The following PAK1 variants were observed in gnomAD, a reference collection of about 807,000 sequenced individuals.
PAK1 encodes p21 (RAC1) activated kinase 1, also known as serine/threonine-protein kinase PAK 1.
PAK1 carries 29 observed loss-of-function variants against 67.4 expected under a neutral mutation model. The ratio of observed to expected loss-of-function variants is 0.43; its 90% CI spans 0.32 to 0.59. The LOEUF (loss-of-function observed/expected upper bound fraction) is 0.59, where lower values mean the gene tolerates loss of function less well. PAK1 is among the 20% of genes least tolerant of loss of function. The pLI is 0.07. For synonymous variants in PAK1, 223 were observed against 237.4 expected, an observed-to-expected ratio of 0.94 and a Z score of 0.56; for missense variants, 337 against 670.7, an observed-to-expected ratio of 0.50 and a Z score of 5.50.
At chr11:77,372,560 T>C (rs1347735342) in intron 5 of PAK1, among the ~76,000 whole-genome samples, 1 of 152,204 alleles carries the variant, frequency 6.6e-6, no homozygotes, top group Non-Finnish European at 1.5e-5. Flanking sequence ...TGGTTCAAAG[T>C]ATTTTGATGG....
chr11:77,423,402 T>TACACACACACACAC (rs5792767), intron 1 of PAK1, among the ~76,000 whole-genome samples: 2 of 136,956 alleles, frequency 1.5e-5, no homozygotes, highest in Non-Finnish European at 3.2e-5. Flanking sequence ...TGCTTTCAAA[T>TACACACACACACAC]ACACACACAC....
intron 14 of PAK1, among the ~76,000 whole-genome samples, chr11:77,332,368 GGAAGGGAAGGGAAGGGAAGGGAAGGGA>G: frequency 8.6e-4 from 1 of 1,168 alleles, no homozygotes; most frequent in African/African-American, 2.8e-3. Context: ...GGAAGGGAAA[GGAAGGGAAGGGAAGGGAAGGGAAGGGA>G]AGGGAAAGGA....
intron 9 of PAK1, among the ~76,000 whole-genome samples, chr11:77,345,135 A>T (rs1399544512): frequency 1.3e-4 from 20 of 152,156 alleles, no homozygotes; most frequent in Non-Finnish European, 2.9e-4. Context: ...CTCTTATGGA[A>T]CTTACAACTT....
chr11:77,468,718 A>G (rs1449595265), intron 1 of PAK1, among the ~76,000 whole-genome samples: 1 of 152,178 alleles, frequency 6.6e-6, no homozygotes, highest in East Asian at 1.9e-4. Context: ...AGAGATTAGG[A>G]ACCAATTTAA....
intron 9 of PAK1, among the ~76,000 whole-genome samples, chr11:77,345,004 A>G (rs548223497): frequency 1.2e-4 from 18 of 152,294 alleles, no homozygotes; most frequent in African/African-American, 3.4e-4. Context: ...AACAGCCTGT[A>G]TCATTTCCAT....
At chr11:77,438,658 G>A (rs1956230851) in intron 1 of PAK1, among the ~76,000 whole-genome samples, 1 of 152,152 alleles carries the variant, frequency 6.6e-6, no homozygotes, top group Non-Finnish European at 1.5e-5. Flanking sequence ...CTTGGTAACA[G>A]CTTCTCTAAA....
upstream of PAK1, among the ~76,000 whole-genome samples, chr11:77,477,377 A>AC (rs1404769251): frequency 1.3e-5 from 2 of 152,052 alleles, no homozygotes; most frequent in East Asian, 3.9e-4. Flanking sequence ...AGACCAAAAC[A>AC]CCTCTAATAT....
intron 1 of PAK1, among the ~76,000 whole-genome samples, chr11:77,454,367 C>T (rs2135424168): frequency 6.6e-6 from 1 of 152,232 alleles, no homozygotes; most frequent in African/African-American, 2.4e-5. Flanking sequence ...CACACATTAT[C>T]CGGTTTTATA....
At chr11:77,325,483 TAA>T (rs1565566759) in intron 14 of PAK1, 1 of 1,189,776 alleles carries the variant, frequency 8.4e-7, no homozygotes, top group African/African-American at 1.5e-5. Context: ...TAAAATATGG[TAA>T]AGATTCAATA....
intron 1 of PAK1, among the ~76,000 whole-genome samples, chr11:77,454,471 G>A (rs1956995982): frequency 6.6e-6 from 1 of 152,074 alleles, no homozygotes; most frequent in East Asian, 1.9e-4. Flanking sequence ...GGATGCTGTT[G>A]GCTGCCTACC....
intron 7 of PAK1, 79 bp downstream of exon 7, chr11:77,355,589 C>T: frequency 1.6e-6 from 2 of 1,227,870 alleles, no homozygotes; most frequent in Non-Finnish European, 2.4e-6. Flanking sequence ...GCTGCATGGA[C>T]CAAGCCTACG....
chr11:77,338,165 A>G (rs553720435), intron 11 of PAK1, among the ~76,000 whole-genome samples: 2 of 152,304 alleles, frequency 1.3e-5, no homozygotes, highest in Non-Finnish European at 2.9e-5. Context: ...CTGGACTTCC[A>G]TCTATAAAAT....
rs34083265 is a variant in PAK1 at position 77,381,138 on chromosome 11, A to AGTGTGTGT, written c.191-1152_191-1145dup. On this transcript the variant is annotated intron_variant, in intron 2 of 14. Coordinates refer to ENST00000356341, the MANE Select transcript of PAK1 (RefSeq NM_002576.5). ...CAGTTTCACCTCTACCTCACCACAG[A>AGTGTGTGT]GTGTGTGTGTGTGTGTGTGTGTGTG... Among the ~76,000 whole-genome samples the AGTGTGTGT allele has an allele frequency of 2.0e-3, 294 of 144,460 alleles. 5 individuals are homozygous for AGTGTGTGT. The highest frequency in any genetic ancestry group is 0.016 in the Admixed American group (231 of 14,400). 94.8% of individuals were successfully genotyped at this position (144,460 alleles called of 152,430 possible).
At chr11:77,325,832 A>C (rs938653754) in intron 14 of PAK1, among the ~76,000 whole-genome samples, 3 of 152,238 alleles carry the variant, frequency 2.0e-5, no homozygotes, top group Non-Finnish European at 4.4e-5. Context: ...AGTATGTTCC[A>C]GAGGGTGATA....
At chr11:77,441,949 T>C (rs1303253618) in intron 1 of PAK1, among the ~76,000 whole-genome samples, 2 of 152,174 alleles carry the variant, frequency 1.3e-5, no homozygotes, top group Non-Finnish European at 2.9e-5. Flanking sequence ...TGGTTGCTGG[T>C]AAAACAGGCA....
chr11:77,427,870 A>G (rs1233992363), intron 1 of PAK1, among the ~76,000 whole-genome samples: 2 of 152,250 alleles, frequency 1.3e-5, no homozygotes, highest in Admixed American at 6.5e-5. Flanking sequence ...TGACATCCAT[A>G]GCAGACATCT....
chr11:77,495,158 T>C, the PAK1 span, among the ~76,000 whole-genome samples: 2 of 147,458 alleles, frequency 1.4e-5, no homozygotes, highest in Non-Finnish European at 3.0e-5. Context: ...TGAGACTCTG[T>C]CTCAAAAAAA....
chr11:77,374,217 G>T, intron 5 of PAK1, 111 bp downstream of exon 5: 1 of 676,936 alleles, frequency 1.5e-6, no homozygotes, highest in Non-Finnish European at 2.6e-6. Context: ...GGCCAAGGGT[G>T]CAGGAGTGAC....
At chr11:77,337,003 T>C (rs1392962917) in intron 12 of PAK1, among the ~76,000 whole-genome samples, 3 of 151,522 alleles carry the variant, frequency 2.0e-5, no homozygotes, top group South Asian at 2.1e-4. Context: ...CAAAACTCTT[T>C]TTTCTAATTA....
Sources: allele counts gnomAD v4.1 joint callset (sites outside exome capture counted in the v4.1 genomes callset), GRCh38; gene constraint gnomAD v4.1.1; transcripts MANE v1.5; gene names NCBI Gene and HGNC (gene_info 2026-07-23, HGNC 2026-07-21).